XPO6: variants seen among roughly 807,000 people sequenced by gnomAD.
XPO6 encodes the protein exportin 6.
XPO6 carries 3 observed loss-of-function variants against 130.0 expected under a neutral mutation model. The ratio of observed to expected loss-of-function variants is 0.02; its 90% CI spans 0.01 to 0.06. The LOEUF is 0.06. Among genes scored for constraint, XPO6 ranks in the 10% least tolerant of loss-of-function variants. XPO6 has a pLI of 1.00. For synonymous variants in XPO6, 524 were observed against 548.9 expected, an observed-to-expected ratio of 0.95 and a Z score of 0.63; for missense variants, 970 against 1,393.0, an observed-to-expected ratio of 0.70 and a Z score of 4.83.
chr16:28,133,133 C>G (rs911204754), intron 11 of XPO6, among the ~76,000 whole-genome samples: 3 of 152,178 alleles, frequency 2.0e-5, no homozygotes, highest in African/African-American at 4.8e-5. Context: ...GTCAGGAGAT[C>G]GAGACCATCC....
intron 1 of XPO6, among the ~76,000 whole-genome samples, chr16:28,193,819 A>C (rs1464244104): frequency 1.3e-5 from 2 of 152,120 alleles, no homozygotes; most frequent in African/African-American, 4.8e-5. Context: ...ATTTTGCTAG[A>C]AGTGACTCAG....
At chr16:28,154,317 T>C in intron 7 of XPO6, 2 of 974,020 alleles carry the variant, frequency 2.1e-6, no homozygotes, top group Non-Finnish European at 2.4e-6. Flanking sequence ...AATTTTACTT[T>C]AGTATCTAAC....
chr16:28,144,190 G>A (rs1365862709), intron 9 of XPO6, among the ~76,000 whole-genome samples: 3 of 152,188 alleles, frequency 2.0e-5, no homozygotes, highest in Non-Finnish European at 4.4e-5. Context: ...TCTCCTGTGT[G>A]TAATACGATT....
chr16:28,190,777 G>A (rs2043773482), intron 1 of XPO6, among the ~76,000 whole-genome samples: 1 of 152,116 alleles, frequency 6.6e-6, no homozygotes, highest in Non-Finnish European at 1.5e-5. Context: ...ATATGATATA[G>A]GGCAATGGAC....
intron 7 of XPO6, chr16:28,155,537 C>T (rs1400289715): frequency 6.5e-6 from 1 of 154,242 alleles, no homozygotes; most frequent in Non-Finnish European, 1.4e-5. Flanking sequence ...GCTACATTAA[C>T]CTGTGCACAC....
At chr16:28,166,452 C>T in intron 6 of XPO6, 56 bp downstream of exon 6, 2 of 1,538,874 alleles carry the variant, frequency 1.3e-6, no homozygotes, top group East Asian at 2.4e-5. Flanking sequence ...AATCACCACA[C>T]CTGGCCCCCA....
At chr16:28,182,145 C>T (rs990078995) in intron 1 of XPO6, among the ~76,000 whole-genome samples, 6 of 152,186 alleles carry the variant, frequency 3.9e-5, no homozygotes, top group Non-Finnish European at 8.8e-5. Flanking sequence ...CACCTATCTC[C>T]CTTCCCCATA....
rs1461818393 is a variant in XPO6 at position 28,106,513 on chromosome 16, G to A, written c.2498-16C>T. The A allele has an allele frequency of 1.2e-6, 2 of 1,604,552 alleles. No individual in the cohort carries two copies. The highest frequency in any genetic ancestry group is 1.7e-6 in the Non-Finnish European group (2 of 1,171,770). ...TCAGTCACATCTGAGGAAAGGGGCAGAGATATCGTCAGAGGCTTGCACACA... is the reference window on the plus strand; with the variant it reads ...TCAGTCACATCTGAGGAAAGGGGCAAAGATATCGTCAGAGGCTTGCACACA... On this transcript the variant is annotated splice_polypyrimidine_tract_variant and intron_variant, in intron 18 of 23. Transcript: ENST00000304658. The surrounding 1 kb of genome is among the most constrained non-coding windows in gnomAD (Gnocchi z 4.2).
At chr16:28,188,556 G>T (rs2043732332) in intron 1 of XPO6, among the ~76,000 whole-genome samples, 1 of 151,064 alleles carries the variant, frequency 6.6e-6, no homozygotes, top group Non-Finnish European at 1.5e-5. Context: ...TACAACACAT[G>T]CGATTAGCAA....
rs1318575878 is a variant in XPO6, at chr16:28,106,350, T to C, written c.2612+33A>G. 3.1e-6 allele frequency: 5 copies of C among 1,610,630 alleles called. No individual in the cohort carries two copies. Among genetic ancestry groups the C allele is most frequent in the Non-Finnish European group, 4.2e-6 (5 of 1,176,954 alleles). On this transcript the variant is annotated intron_variant, in intron 19 of 23. Transcript: ENST00000304658. This position sits in a 1 kb window ranked among gnomAD's most constrained non-coding sequence, Gnocchi z 4.2. The stretch of plus-strand genomic sequence containing the variant: ...CCAGACCCACCACTTCTCCCTTGAA[T>C]CTGAAAACTATAGATGGTGGGTCTG...
At chr16:28,190,121 C>T (rs1252563119) in intron 1 of XPO6, among the ~76,000 whole-genome samples, 2 of 152,076 alleles carry the variant, frequency 1.3e-5, no homozygotes, top group Non-Finnish European at 2.9e-5. Flanking sequence ...GAGGATGGTA[C>T]GTTTTATGCT....
At chr16:28,142,404 A>C (rs2042910762) in intron 9 of XPO6, among the ~76,000 whole-genome samples, 1 of 152,152 alleles carries the variant, frequency 6.6e-6, no homozygotes, top group African/African-American at 2.4e-5. Flanking sequence ...TTATAAGCTG[A>C]AGTTGAAATA....
At chr16:28,196,485 T>G (rs1488343507) in intron 1 of XPO6, among the ~76,000 whole-genome samples, 2 of 151,910 alleles carry the variant, frequency 1.3e-5, no homozygotes, top group Non-Finnish European at 2.9e-5. Flanking sequence ...GAAACTAGAG[T>G]GGTGATTCTT....
chr16:28,189,665 C>A (rs183423478), intron 1 of XPO6, among the ~76,000 whole-genome samples: 367 of 152,242 alleles, frequency 2.4e-3, no homozygotes, highest in Non-Finnish European at 4.2e-3. Context: ...GGCAGGCGCG[C>A]CCACCCCTCT....
intron 4 of XPO6, among the ~76,000 whole-genome samples, chr16:28,174,351 C>A (rs1394199965): frequency 6.6e-6 from 1 of 152,146 alleles, no homozygotes; most frequent in Non-Finnish European, 1.5e-5. Context: ...TAAACACAAC[C>A]CCCGCTAGTT....
At chr16:28,157,693 G>A (rs2043205683) in intron 6 of XPO6, among the ~76,000 whole-genome samples, 1 of 152,214 alleles carries the variant, frequency 6.6e-6, no homozygotes, top group African/African-American at 2.4e-5. Context: ...CAAAGCATAT[G>A]AAGAGATTTC....
intron 8 of XPO6, among the ~76,000 whole-genome samples, chr16:28,151,176 G>A (rs1011094156): frequency 4.3e-3 from 42 of 9,874 alleles, no homozygotes; most frequent in Middle Eastern, 0.042. Flanking sequence ...CAACACTAGT[G>A]GTTAAAAAAA....
chr16:28,171,544 A>C (rs1216179233), intron 4 of XPO6, among the ~76,000 whole-genome samples: 1 of 150,986 alleles, frequency 6.6e-6, no homozygotes, highest in Non-Finnish European at 1.5e-5. Flanking sequence ...AGCAAGGAAA[A>C]GCTCACCCCT....
chr16:28,101,780 C>A lies in XPO6; in HGVS notation c.3045+67G>T. Reference sequence around the variant, plus strand: ...TTCTGTCACACTCTCCAGTGAGTAACCTGAGGGTGGGACACAGGCCACAAT... The same window carrying A: ...TTCTGTCACACTCTCCAGTGAGTAAACTGAGGGTGGGACACAGGCCACAAT... On this transcript the variant is annotated intron_variant, in intron 22 of 23. Transcript: ENST00000304658. This position sits in a 1 kb window ranked among gnomAD's most constrained non-coding sequence, Gnocchi z 5.4. 5 of 1,594,264 alleles carry A rather than the reference C, an allele frequency of 3.1e-6. No homozygotes were observed. The highest frequency in any genetic ancestry group is 1.7e-5 in the Admixed American group (1 of 59,088).
Sources: allele counts gnomAD v4.1 joint callset (sites outside exome capture counted in the v4.1 genomes callset), GRCh38; gene constraint gnomAD v4.1.1; non-coding constraint Gnocchi (gnomAD v3.1); transcripts MANE v1.5; gene names NCBI Gene and HGNC (gene_info 2026-07-23, HGNC 2026-07-21).